DSCAM: variants seen among roughly 807,000 people sequenced by gnomAD.
The protein encoded by DSCAM is cell adhesion molecule DSCAM.
Under a neutral mutation model 217.7 loss-of-function variants are expected in DSCAM, and 47 were observed. That is an observed-to-expected ratio of 0.22 (90% CI 0.17 to 0.28). The LOEUF is 0.28. Among genes scored for constraint, DSCAM ranks in the 10% least tolerant of loss-of-function variants. The pLI is 1.00. For synonymous variants in DSCAM, 1,056 were observed against 1,015.3 expected (o/e 1.04, Z -0.76); for missense variants, 2,080 against 2,618.3 (o/e 0.79, Z 4.49).
chr21:40,640,546 C>T (rs1234010683), intron 3 of DSCAM, among the ~76,000 whole-genome samples: 2 of 152,110 alleles, frequency 1.3e-5, no homozygotes, highest in East Asian at 3.9e-4. Context: ...CAGTGTAAAG[C>T]TATTAAGGAA....
At chr21:40,710,226 T>TA (rs1470015825) in intron 1 of DSCAM, among the ~76,000 whole-genome samples, 4 of 152,126 alleles carry the variant, frequency 2.6e-5, no homozygotes, top group East Asian at 1.9e-4. Flanking sequence ...TAAAGCATGT[T>TA]AAAAAAGCAC....
chr21:40,832,170 T>C (rs541311283), intron 1 of DSCAM, among the ~76,000 whole-genome samples: 2 of 152,340 alleles, frequency 1.3e-5, no homozygotes, highest in African/African-American at 4.8e-5. Context: ...TCAACAATTG[T>C]GTGACCATGA....
At chr21:40,559,262 T>C (rs1411945693) in intron 3 of DSCAM, among the ~76,000 whole-genome samples, 1 of 151,878 alleles carries the variant, frequency 6.6e-6, no homozygotes, top group Non-Finnish European at 1.5e-5. Flanking sequence ...ATTGAGACCA[T>C]CCTGGTCAAC....
intron 4 of DSCAM, among the ~76,000 whole-genome samples, chr21:40,364,779 T>TAC (rs1491333759): frequency 3.5e-5 from 5 of 143,226 alleles, no homozygotes; most frequent in Non-Finnish European, 6.0e-5. Flanking sequence ...TATATATATA[T>TAC]ACACACATAC....
intron 3 of DSCAM, among the ~76,000 whole-genome samples, chr21:40,519,601 C>G (rs748785110): frequency 9.2e-5 from 14 of 152,118 alleles, no homozygotes; most frequent in Non-Finnish European, 1.8e-4. Context: ...ATTTTTCAGC[C>G]TCCAGTAGTG....
At chr21:40,131,071 A>G (rs1228447783) in intron 19 of DSCAM, among the ~76,000 whole-genome samples, 1 of 152,196 alleles carries the variant, frequency 6.6e-6, no homozygotes, top group African/African-American at 2.4e-5. Context: ...AAATGTTGGT[A>G]ATTATTATTT....
At chr21:40,169,892 A>G (rs2090636895) in intron 15 of DSCAM, among the ~76,000 whole-genome samples, 1 of 151,564 alleles carries the variant, frequency 6.6e-6, no homozygotes, top group African/African-American at 2.4e-5. Flanking sequence ...GGGGATCCCT[A>G]TCTCTCACTC....
intron 3 of DSCAM, among the ~76,000 whole-genome samples, chr21:40,382,572 T>C (rs1007835332): frequency 1.3e-5 from 2 of 152,218 alleles, no homozygotes; most frequent in African/African-American, 2.4e-5. Context: ...GAAACTATAA[T>C]GAGTTTACTG....
chr21:40,366,938 G>C (rs1370551862), intron 4 of DSCAM, among the ~76,000 whole-genome samples: 12 of 152,066 alleles, frequency 7.9e-5, no homozygotes, highest in Non-Finnish European at 1.6e-4. Flanking sequence ...ATTCTCTAGG[G>C]CCTCCCCTGG....
chr21:40,718,293 A>C (rs2090865023), intron 1 of DSCAM, among the ~76,000 whole-genome samples: 2 of 152,232 alleles, frequency 1.3e-5, no homozygotes, highest in Admixed American at 6.5e-5. Flanking sequence ...CAGCCAGGGA[A>C]ATTTAAGTCT....
At chr21:40,288,985 T>C (rs1406989331) in intron 10 of DSCAM, among the ~76,000 whole-genome samples, 2 of 152,230 alleles carry the variant, frequency 1.3e-5, no homozygotes, top group Non-Finnish European at 2.9e-5. Context: ...CCTAGATTCC[T>C]ACTTTATTTA....
At chr21:40,703,028 A>T (rs1381211116) in intron 2 of DSCAM, among the ~76,000 whole-genome samples, 5 of 152,136 alleles carry the variant, frequency 3.3e-5, no homozygotes, top group Non-Finnish European at 7.4e-5. Flanking sequence ...AAATATTGCA[A>T]TTTTTTAAAA....
At chr21:40,208,777 AAAT>A (rs760839406) in intron 11 of DSCAM, among the ~76,000 whole-genome samples, 5 of 152,148 alleles carry the variant, frequency 3.3e-5, no homozygotes, top group East Asian at 1.9e-4. Flanking sequence ...TGCGAAACAG[AAAT>A]ATGGAGAGGC....
At chr21:40,771,636 G>T (rs188704572) in intron 1 of DSCAM, among the ~76,000 whole-genome samples, 1 of 152,280 alleles carries the variant, frequency 6.6e-6, no homozygotes, top group Non-Finnish European at 1.5e-5. Context: ...CATCTTAACT[G>T]CATCTCTAAG....
intron 4 of DSCAM, among the ~76,000 whole-genome samples, chr21:40,367,143 T>C (rs1014388841): frequency 1.3e-5 from 2 of 152,150 alleles, no homozygotes; most frequent in African/African-American, 4.8e-5. Context: ...TTGTGACTCA[T>C]CTCCAACCTA....
chr21:40,806,822 A>C (rs1249610808), intron 1 of DSCAM, among the ~76,000 whole-genome samples: 1 of 152,332 alleles, frequency 6.6e-6, no homozygotes, highest in Middle Eastern at 3.4e-3. Context: ...GACATGGATG[A>C]AGCTGGAAAC....
intron 6 of DSCAM, among the ~76,000 whole-genome samples, chr21:40,342,626 G>GTGTGTATATATATATATATATA (rs1491362590): frequency 2.4e-4 from 23 of 94,664 alleles, no homozygotes; most frequent in African/African-American, 8.5e-4. Context: ...GTGTGTGTGT[G>GTGTGTATATATATATATATATA]TATATATATA....
chr21:40,253,126 C>T (rs924151009), intron 11 of DSCAM, among the ~76,000 whole-genome samples: 4 of 152,114 alleles, frequency 2.6e-5, no homozygotes, highest in East Asian at 1.9e-4. Context: ...GACGATGATG[C>T]CTAAGTTTCC....
At chr21:40,095,502 G>A (rs1421657266) in intron 20 of DSCAM, among the ~76,000 whole-genome samples, 1 of 152,158 alleles carries the variant, frequency 6.6e-6, no homozygotes, top group Non-Finnish European at 1.5e-5. Flanking sequence ...TAGGCAGATC[G>A]ATGGCAACAT....
Sources: gnomAD v4.1 joint callset for allele counts (sites outside exome capture counted in the v4.1 genomes callset) on GRCh38, gnomAD v4.1.1 for gene constraint, MANE v1.5 for transcripts, NCBI Gene and HGNC (gene_info 2026-07-23, HGNC 2026-07-21) for gene names.